The following S100PBP variants were observed in gnomAD, a reference collection of about 807,000 sequenced individuals.
S100PBP encodes the protein S100P binding protein, also known as S100P-binding protein.
A neutral mutation model predicts 39.9 loss-of-function variants in S100PBP; 15 were observed. That is an observed-to-expected ratio of 0.38 (90% CI 0.25 to 0.58). The LOEUF is 0.58. Among genes scored for constraint, S100PBP ranks in the 20% least tolerant of loss-of-function variants. S100PBP has a pLI of 0.70. For synonymous variants in S100PBP, 178 were observed against 180.3 expected, an observed-to-expected ratio of 0.99 and a Z score of 0.10; for missense variants, 504 against 487.3, an observed-to-expected ratio of 1.03 and a Z score of -0.32.
At chr1:32,827,570 G>A (rs1334998628) in intron 3 of S100PBP, among the ~76,000 whole-genome samples, 3 of 151,936 alleles carry the variant, frequency 2.0e-5, no homozygotes, top group Non-Finnish European at 4.4e-5. Context: ...TGCAACTCCC[G>A]CCTCTCGGGT....
intron 5 of S100PBP, among the ~76,000 whole-genome samples, chr1:32,834,633 A>G (rs1013894574): frequency 3.3e-5 from 5 of 152,210 alleles, no homozygotes; most frequent in African/African-American, 1.2e-4. Flanking sequence ...TTGTTCCACA[A>G]ATAGTAATAC....
At chr1:32,853,197 G>A (rs1480204002) in intron 6 of S100PBP, 31 bp downstream of exon 6, 3 of 1,534,228 alleles carry the variant, frequency 2.0e-6, no homozygotes, top group African/African-American at 1.4e-5. Context: ...AGATGGAAAA[G>A]GGTAGAATGG....
chr1:32,845,971 G>T (rs1640354855), intron 5 of S100PBP, among the ~76,000 whole-genome samples: 1 of 151,850 alleles, frequency 6.6e-6, no homozygotes, highest in Admixed American at 6.6e-5. Context: ...GAGCCACTGG[G>T]CCTTGCCTTA....
intron 5 of S100PBP, among the ~76,000 whole-genome samples, chr1:32,832,244 G>A (rs1390762467): frequency 1.3e-5 from 2 of 151,192 alleles, no homozygotes; most frequent in Non-Finnish European, 2.9e-5. Flanking sequence ...AATAGTTGCT[G>A]TTACCAGCAA....
intron 5 of S100PBP, 79 bp from the exon 6 acceptor site, chr1:32,853,000 T>C: frequency 1.1e-6 from 1 of 948,898 alleles, no homozygotes; most frequent in South Asian, 1.3e-5. Flanking sequence ...GTTTTCTCTT[T>C]CCCTGAAAAC....
At chr1:32,829,870 TAATC>T (rs1173104993) in intron 4 of S100PBP, 90 bp from the exon 5 acceptor site, 8 of 822,470 alleles carry the variant, frequency 9.7e-6, no homozygotes, top group Middle Eastern at 3.1e-4. Flanking sequence ...AACTTAGTTC[TAATC>T]AATCAGCAGT....
In S100PBP at chr1:32,826,559, A is replaced by G. The variant is rs142161085; in HGVS notation, c.460A>G (p.Thr154Ala). Reference sequence around the variant, plus strand: ...AGTAACTGTTGCACCATTTAATCCAACAGTTTGTGATGCTCTGCTTGATAA... The same window carrying G: ...AGTAACTGTTGCACCATTTAATCCAGCAGTTTGTGATGCTCTGCTTGATAA... Reference protein sequence around the residue: ...IKVTVAPFNPTVCDALLDKDE... With the variant: ...IKVTVAPFNPAVCDALLDKDE... Residue 154 changes from threonine to alanine, a missense_variant, in exon 3 of 7, where the codon ACA becomes GCA. Thr to Ala is a moderately conservative substitution (Grantham distance 58, BLOSUM62 0). Transcript: ENST00000373475. 9 of 1,613,882 alleles carry G rather than the reference A, an allele frequency of 5.6e-6. No individual in the cohort carries two copies. In the East Asian group the frequency reaches 1.3e-4, roughly 24 times the overall value.
intron 5 of S100PBP, among the ~76,000 whole-genome samples, chr1:32,845,114 C>T (rs896163932): frequency 1.1e-4 from 17 of 151,018 alleles, no homozygotes; most frequent in East Asian, 3.9e-4. Flanking sequence ...AGGCTCCGCT[C>T]CCCAGGTTCA....
chr1:32,821,902 G>A (rs752718124), intron 1 of S100PBP, among the ~76,000 whole-genome samples: 20 of 152,132 alleles, frequency 1.3e-4, no homozygotes, highest in African/African-American at 1.7e-4. Flanking sequence ...GCCTCCGAAA[G>A]TGCTGGGATT....
Position 32,827,934 on chromosome 1 carries a change from A to T in S100PBP, c.832-59A>T. ...AAATATTTCCATAAATAGTGTTTTC[A>T]GTGCTTTTCTTATAACTAAGAATCA... On this transcript the variant is annotated intron_variant, in intron 3 of 6. Coordinates refer to ENST00000373475, the MANE Select transcript of S100PBP (RefSeq NM_022753.4). The T allele has an allele frequency of 1.7e-6, 2 of 1,168,258 alleles. 1 individual carries two copies. Among genetic ancestry groups the T allele is most frequent in the South Asian group, 2.5e-5 (2 of 78,748 alleles). 72.4% of individuals were successfully genotyped at this position (1,168,258 alleles called of 1,614,324 possible). A position where few individuals can be genotyped will look rare whatever the true frequency, so the allele number is the denominator to read the frequency against.
chr1:32,821,356 C>T (rs756419329), intron 1 of S100PBP, among the ~76,000 whole-genome samples: 1 of 152,178 alleles, frequency 6.6e-6, no homozygotes, highest in Admixed American at 6.5e-5. Flanking sequence ...GACTCTTGCT[C>T]TGTCACCCAG....
intron 5 of S100PBP, among the ~76,000 whole-genome samples, chr1:32,850,897 G>A (rs965407522): frequency 2.0e-5 from 3 of 152,162 alleles, no homozygotes; most frequent in Non-Finnish European, 4.4e-5. Flanking sequence ...AATTTCACAG[G>A]ATTTGCAGAG....
intron 5 of S100PBP, among the ~76,000 whole-genome samples, chr1:32,830,383 G>A (rs1639542542): frequency 6.6e-6 from 1 of 152,124 alleles, no homozygotes; most frequent in African/African-American, 2.4e-5. Context: ...TAACGGAAGT[G>A]GATGACCAGG....
At chr1:32,844,839 C>CT (rs1557508014) in intron 5 of S100PBP, among the ~76,000 whole-genome samples, 1 of 150,122 alleles carries the variant, frequency 6.7e-6, no homozygotes, top group Non-Finnish European at 1.5e-5. Context: ...ATATATATAT[C>CT]TTTTTTTGAG....
chr1:32,826,987 A>G, intron 3 of S100PBP, 57 bp downstream of exon 3: 2 of 1,247,976 alleles, frequency 1.6e-6, no homozygotes, highest in Non-Finnish European at 2.2e-6. Flanking sequence ...ATTCAGATGT[A>G]TAGCAGAGTT....
At chr1:32,843,577 C>G (rs1234195381) in intron 5 of S100PBP, among the ~76,000 whole-genome samples, 1 of 152,150 alleles carries the variant, frequency 6.6e-6, no homozygotes, top group Non-Finnish European at 1.5e-5. Flanking sequence ...CTTCAGCCTC[C>G]TGAATAGCTG....
At chr1:32,822,765 TAAG>T (rs1639142567) in intron 1 of S100PBP, among the ~76,000 whole-genome samples, 2 of 152,098 alleles carry the variant, frequency 1.3e-5, no homozygotes, top group South Asian at 4.1e-4. Flanking sequence ...TATTGGAACA[TAAG>T]AAGCTCAGAA....
chr1:32,845,912 C>T (rs1315913763), intron 5 of S100PBP, among the ~76,000 whole-genome samples: 1 of 150,574 alleles, frequency 6.6e-6, no homozygotes, highest in Non-Finnish European at 1.5e-5. Flanking sequence ...CTCCTGGGCT[C>T]AAGTGATCTA....
At chr1:32,840,936 G>A (rs577095716) in intron 5 of S100PBP, among the ~76,000 whole-genome samples, 3 of 151,200 alleles carry the variant, frequency 2.0e-5, no homozygotes, top group Non-Finnish European at 3.0e-5. Flanking sequence ...CGAGGTGGGC[G>A]GATCACGAGA....
Sources: gnomAD v4.1 joint callset for allele counts (sites outside exome capture counted in the v4.1 genomes callset) on GRCh38, gnomAD v4.1.1 for gene constraint, MANE v1.5 for transcripts, NCBI Gene and HGNC (gene_info 2026-07-23, HGNC 2026-07-21) for gene names.